RAI1: variants seen among roughly 807,000 people sequenced by gnomAD.
RAI1 encodes the protein retinoic acid induced 1, also known as retinoic acid-induced protein 1.
RAI1 carries 9 observed loss-of-function variants against 123.8 expected under a neutral mutation model. The observed-to-expected ratio is 0.07, with a 90% CI of 0.04 to 0.13. The LOEUF (loss-of-function observed/expected upper bound fraction) is 0.13, where lower values mean the gene tolerates loss of function less well. Ranked by LOEUF, RAI1 falls within the 10% of genes least tolerant of loss-of-function variation. The pLI, the probability that RAI1 is intolerant of heterozygous loss-of-function variation, is 1.00. For missense variants in RAI1, 2,256 were observed against 2,545.8 expected, an observed-to-expected ratio of 0.89 and a Z score of 2.45; for synonymous variants, 1,231 against 1,127.3, an observed-to-expected ratio of 1.09 and a Z score of -1.84.
At chr17:17,761,997 C>T (rs565990114) in intron 2 of RAI1, among the ~76,000 whole-genome samples, 6 of 152,078 alleles carry the variant, frequency 3.9e-5, no homozygotes, top group East Asian at 3.9e-4. Context: ...AGTGTGAGCG[C>T]GGCCCAGAAA....
At chr17:17,695,450 G>A (rs984428146) in intron 1 of RAI1, among the ~76,000 whole-genome samples, 3 of 151,952 alleles carry the variant, frequency 2.0e-5, no homozygotes, top group Non-Finnish European at 4.4e-5. Flanking sequence ...ACACTGCCCT[G>A]TCCCCACCCG....
chr17:17,735,214 A>C lies in RAI1; in HGVS notation c.-17+11055A>C, dbSNP rs1418655015. On this transcript the variant is annotated intron_variant, in intron 2 of 5. Transcript: ENST00000353383. Reference sequence around the variant, plus strand: ...ATTACAGGCTCCCACCACCACGCCCAGCTAATATTTTGTATTTTTGGTAGA... The same window carrying C: ...ATTACAGGCTCCCACCACCACGCCCCGCTAATATTTTGTATTTTTGGTAGA... Among the ~76,000 whole-genome samples, 3 of 148,568 alleles carry C rather than the reference A, an allele frequency of 2.0e-5. No homozygotes were observed. The East Asian group carries it at 6.0e-4, about 30-fold the overall frequency.
At chr17:17,767,946 C>T (rs1199655839) in intron 2 of RAI1, among the ~76,000 whole-genome samples, 1 of 152,206 alleles carries the variant, frequency 6.6e-6, no homozygotes. Flanking sequence ...TCTCGTGATC[C>T]TGGGCAAATG....
intron 4 of RAI1, among the ~76,000 whole-genome samples, chr17:17,808,793 C>T (rs1388067992): frequency 6.6e-6 from 1 of 152,246 alleles, no homozygotes; most frequent in East Asian, 1.9e-4. Context: ...GATAGGCATA[C>T]AGTAGGTGGC....
intron 1 of RAI1, among the ~76,000 whole-genome samples, chr17:17,697,308 C>T (rs1461286531): frequency 6.6e-6 from 1 of 152,238 alleles, no homozygotes; most frequent in Non-Finnish European, 1.5e-5. Context: ...CCCCTTTCCT[C>T]GGGAATAACA....
intron 1 of RAI1, among the ~76,000 whole-genome samples, chr17:17,706,552 C>T (rs1915399726): frequency 1.3e-5 from 2 of 152,182 alleles, no homozygotes; most frequent in Non-Finnish European, 2.9e-5. Context: ...TGAGCTGCAC[C>T]AGCAGCCAGA....
chr17:17,729,475 C>G (rs575395711), intron 2 of RAI1, among the ~76,000 whole-genome samples: 1 of 152,204 alleles, frequency 6.6e-6, no homozygotes, highest in African/African-American at 2.4e-5. Flanking sequence ...CCAGCTTCTC[C>G]GAGAGGAGGA....
intron 1 of RAI1, among the ~76,000 whole-genome samples, chr17:17,723,647 C>A (rs1191703158): frequency 6.7e-6 from 1 of 149,122 alleles, no homozygotes; most frequent in Non-Finnish European, 1.5e-5. Context: ...CTCCCGCTCC[C>A]TTCCCGAGCT....
intron 1 of RAI1, among the ~76,000 whole-genome samples, chr17:17,723,458 A>G (rs1234005534): frequency 1.3e-5 from 2 of 149,874 alleles, no homozygotes; most frequent in Non-Finnish European, 3.0e-5. Flanking sequence ...CTCGTAAGTC[A>G]CTGGAAAAAT....
chr17:17,784,097 T>A (rs1268568176), intron 2 of RAI1, among the ~76,000 whole-genome samples: 1 of 152,170 alleles, frequency 6.6e-6, no homozygotes, highest in East Asian at 1.9e-4. Context: ...AAGCGTTTCT[T>A]TAAACGCCGC....
chr17:17,766,274 G>C (rs1041736132), intron 2 of RAI1: 8 of 152,226 alleles, frequency 5.3e-5, no homozygotes, highest in African/African-American at 1.7e-4. Flanking sequence ...GGCATTGATG[G>C]GGGTGTCTGG....
At chr17:17,694,919 C>A (rs959016782) in intron 1 of RAI1, among the ~76,000 whole-genome samples, 12 of 152,154 alleles carry the variant, frequency 7.9e-5, no homozygotes, top group African/African-American at 2.9e-4. Flanking sequence ...TTGCGGCCGG[C>A]GCTTGCGGGT....
chr17:17,752,165 C>T (rs920432699), intron 2 of RAI1, among the ~76,000 whole-genome samples: 15 of 152,036 alleles, frequency 9.9e-5, no homozygotes, highest in Non-Finnish European at 2.2e-4. Flanking sequence ...GAGCCTCCCG[C>T]CCGGCATACC....
intron 2 of RAI1, among the ~76,000 whole-genome samples, chr17:17,769,380 C>A (rs762505708): frequency 6.6e-6 from 1 of 152,208 alleles, no homozygotes; most frequent in South Asian, 2.1e-4. Flanking sequence ...CAGCCCGGGT[C>A]GGATCTCAGA....
At chr17:17,762,723 G>A (rs1396777436) in intron 2 of RAI1, among the ~76,000 whole-genome samples, 1 of 152,090 alleles carries the variant, frequency 6.6e-6, no homozygotes, top group Non-Finnish European at 1.5e-5. Flanking sequence ...GCAGGTAGAG[G>A]TGAGCTCAGT....
rs1482960040 is a variant in RAI1 at position 17,795,485 on chromosome 17, C to G, written c.2537C>G (p.Ser846Cys). ...CTGGAGGACAGCCGGCACTGCTGTT[C>G]CACCGCCGACTTCGGGGACCTCCCA... ...RWLEDSRHCC[S>C]TADFGDLPLL... Residue 846 changes from serine to cysteine, a missense_variant, in exon 3 of 6, where the codon TCC becomes TGC. Transcript: ENST00000353383. This position sits in a 1 kb window ranked among gnomAD's most constrained non-coding sequence, Gnocchi z 5.9. 1.9e-6 allele frequency: 3 copies of G among 1,584,828 alleles called. No individual in the cohort carries two copies. The highest frequency in any genetic ancestry group is 1.3e-5 in the African/African-American group (1 of 74,610).
At chr17:17,695,528 TCTC>T (rs1431078291) in intron 1 of RAI1, among the ~76,000 whole-genome samples, 109 of 121,514 alleles carry the variant, frequency 9.0e-4, no homozygotes, top group Non-Finnish European at 1.1e-3. Flanking sequence ...TCTTTCTCTC[TCTC>T]TTTTTTTTTT....
intron 1 of RAI1, among the ~76,000 whole-genome samples, chr17:17,696,297 AAGG>A (rs1915030192): frequency 6.6e-6 from 1 of 152,074 alleles, no homozygotes; most frequent in African/African-American, 2.4e-5. Context: ...CTCACTATAA[AAGG>A]AGGACAGGCT....
chr17:17,801,200 C>G lies in RAI1; in HGVS notation c.5566-2556C>G, dbSNP rs1001584918. 6.6e-6 allele frequency among the ~76,000 whole-genome samples: 1 copy of G among 152,160 alleles called. No homozygotes were observed. The highest frequency in any genetic ancestry group is 1.5e-5 in the Non-Finnish European group (1 of 68,026). On this transcript the variant is annotated intron_variant, in intron 3 of 5. Coordinates refer to ENST00000353383, the MANE Select transcript of RAI1 (RefSeq NM_030665.4). This position sits in a 1 kb window ranked among gnomAD's most constrained non-coding sequence, Gnocchi z 4.1. ...GCCCTTCCCCCAAAGCCATCATAGA[C>G]CCCTACCTCCTATCCAGATGGAGCC...
Sources: allele counts gnomAD v4.1 joint callset (sites outside exome capture counted in the v4.1 genomes callset), GRCh38; gene constraint gnomAD v4.1.1; non-coding constraint Gnocchi (gnomAD v3.1); transcripts MANE v1.5; gene names NCBI Gene and HGNC (gene_info 2026-07-23, HGNC 2026-07-21).